Variants in HHIP observed in about 807,000 individuals in gnomAD.
The protein encoded by HHIP is hedgehog interacting protein.
In HHIP, 12 loss-of-function variants were observed where a neutral mutation model predicts 74.0. That is an observed-to-expected ratio of 0.16 (90% confidence interval 0.10 to 0.26). The LOEUF (loss-of-function observed/expected upper bound fraction) is 0.26, where lower values mean the gene tolerates loss of function less well. HHIP is among the 10% of genes least tolerant of loss of function. HHIP has a pLI of 1.00. For missense variants in HHIP, 788 were observed against 845.0 expected, an observed-to-expected ratio of 0.93 and a Z score of 0.84; for synonymous variants, 309 against 311.6, an observed-to-expected ratio of 0.99 and a Z score of 0.09.
intron 4 of HHIP, among the ~76,000 whole-genome samples, chr4:144,695,091 T>C (rs956922716): frequency 3.3e-5 from 5 of 151,842 alleles, no homozygotes; most frequent in Admixed American, 2.6e-4. Context: ...TTCTAAATTG[T>C]CTTCCTTATT....
chr4:144,738,481 A>G lies in HHIP; in HGVS notation c.*524A>G, dbSNP rs924464603. On this transcript the variant is annotated 3_prime_UTR_variant, in exon 13 of 13. Transcript: ENST00000296575. ...AACTTGATATAAAATTGTAATCTTC[A>G]TTTTTGTCAGTGTATCCAGTTACAG... 6 of 982,812 alleles carry G rather than the reference A, an allele frequency of 6.1e-6. No homozygotes were observed. Among genetic ancestry groups the G allele is most frequent in the Non-Finnish European group, 7.3e-6 (6 of 827,252 alleles). 60.9% of individuals were successfully genotyped at this position (982,812 alleles called of 1,614,324 possible).
chr4:144,667,715 T>C (rs2126601245), intron 4 of HHIP, among the ~76,000 whole-genome samples: 1 of 152,332 alleles, frequency 6.6e-6, no homozygotes, highest in East Asian at 1.9e-4. Context: ...AGCATTTCCT[T>C]GCTTTCATAG....
intron 4 of HHIP, among the ~76,000 whole-genome samples, chr4:144,696,272 CCT>C (rs1174601386): frequency 6.7e-6 from 1 of 149,270 alleles, no homozygotes; most frequent in Admixed American, 6.6e-5. Flanking sequence ...CAAATCTGCA[CCT>C]CTTTTTTTTT....
chr4:144,646,542 C>T lies in HHIP; in HGVS notation c.-134C>T, dbSNP rs528949574. ...GCATCGCTGTACATATTTTTGTCCC[C>T]GCCACCTCCCTCTGTCTCTGGAGTG... On this transcript the variant is annotated 5_prime_UTR_variant, in exon 1 of 13. Transcript: ENST00000296575. The T allele has an allele frequency of 4.6e-6, 4 of 869,572 alleles. No individual in the cohort carries two copies. The highest frequency in any genetic ancestry group is 1.7e-5 in the South Asian group (1 of 57,320). 53.9% of individuals were successfully genotyped at this position (869,572 alleles called of 1,614,324 possible). A position where few individuals can be genotyped will look rare whatever the true frequency, so the allele number is the denominator to read the frequency against.
chr4:144,662,328 T>A (rs573823351), intron 4 of HHIP, among the ~76,000 whole-genome samples: 66 of 152,290 alleles, frequency 4.3e-4, no homozygotes, highest in African/African-American at 1.5e-3. Flanking sequence ...CTTGGACAAC[T>A]CTTCCTAAAT....
In HHIP at chr4:144,646,728, T is replaced by C; in HGVS notation, c.53T>C (p.Phe18Ser). 6.2e-7 allele frequency: 1 copy of C among 1,614,178 alleles called. No individual in the cohort carries two copies. The highest frequency in any genetic ancestry group is 1.7e-5 in the Admixed American group (1 of 60,022). ...CTGCTGCTGGCCGTGGCTCTGGGCTTCTTTGAAGGAGATGCTAAGTTTGGG... is the reference window on the plus strand; with the variant it reads ...CTGCTGCTGGCCGTGGCTCTGGGCTCCTTTGAAGGAGATGCTAAGTTTGGG... ...KLLLLAVALG[F>S]FEGDAKFGER... Residue 18 changes from phenylalanine (F) to serine (S), a missense_variant, in exon 1 of 13, where the codon TTC becomes TCC. Phe to Ser is a radical substitution (Grantham distance 155). This residue lies in a region of HHIP where 373 missense variants were observed against 366.4 expected (regional missense o/e 1.02). Transcript: ENST00000296575.
In HHIP at chr4:144,715,312, T is replaced by C. The variant is rs1171176601; in HGVS notation, c.1560T>C (p.Thr520=). 1 of 1,613,224 alleles carries C rather than the reference T, an allele frequency of 6.2e-7. No individual in the cohort carries two copies. Reference sequence around the variant, plus strand: ...GTTTCTGTTGTAGGAATTTCCTAACTCTCCAGCAAAGTCCTGTGACAAAGC... The same window carrying C: ...GTTTCTGTTGTAGGAATTTCCTAACCCTCCAGCAAAGTCCTGTGACAAAGC... ...VFGDRNGNFL[T]LQQSPVTKQW... Residue 520 remains threonine, a synonymous_variant, in exon 10 of 13, where the codon ACT becomes ACC. Coordinates refer to ENST00000296575, the MANE Select transcript of HHIP (RefSeq NM_022475.3).
intron 4 of HHIP, among the ~76,000 whole-genome samples, chr4:144,700,584 A>G (rs1255738548): frequency 1.3e-5 from 2 of 152,330 alleles, no homozygotes; most frequent in East Asian, 3.9e-4. Context: ...AGGAAGACAA[A>G]GGAGGTCAGA....
chr4:144,707,602 T>C (rs192829523), intron 6 of HHIP, among the ~76,000 whole-genome samples: 6 of 141,652 alleles, frequency 4.2e-5, no homozygotes, highest in East Asian at 4.1e-4. Flanking sequence ...CTGGGAGATA[T>C]AGAATACATA....
intron 4 of HHIP, among the ~76,000 whole-genome samples, chr4:144,665,517 T>C (rs1728837221): frequency 6.6e-6 from 1 of 152,200 alleles, no homozygotes; most frequent in Admixed American, 6.5e-5. Context: ...TTCATGTAAG[T>C]TTAATCTCAT....
intron 4 of HHIP, among the ~76,000 whole-genome samples, chr4:144,670,661 G>A (rs1729012128): frequency 7.9e-6 from 1 of 126,192 alleles, no homozygotes; most frequent in African/African-American, 3.0e-5. Flanking sequence ...TGTTTCATAA[G>A]AAACCTTAGT....
intron 4 of HHIP, among the ~76,000 whole-genome samples, chr4:144,671,567 G>C (rs1430773480): frequency 6.6e-6 from 1 of 152,174 alleles, no homozygotes; most frequent in Non-Finnish European, 1.5e-5. Flanking sequence ...AGTTGGATGT[G>C]TGAGAACTAA....
chr4:144,677,856 A>G (rs1049325908), intron 4 of HHIP, among the ~76,000 whole-genome samples: 11 of 152,096 alleles, frequency 7.2e-5, no homozygotes, highest in Non-Finnish European at 2.9e-5. Context: ...CTTAATGTTC[A>G]TATAATATTT....
In HHIP at chr4:144,734,736, T is replaced by C; in HGVS notation, c.1761-5T>C. On this transcript the variant is annotated splice_region_variant and splice_polypyrimidine_tract_variant and intron_variant, in intron 11 of 12. Transcript: ENST00000296575. ...TACACTTTCAACTATTGTGTTTTAATGTAGACCTTTAATGCCTGAGGAATG... is the reference window on the plus strand; with the variant it reads ...TACACTTTCAACTATTGTGTTTTAACGTAGACCTTTAATGCCTGAGGAATG... 2.6e-6 allele frequency: 4 copies of C among 1,560,150 alleles called. No individual in the cohort carries two copies. Among genetic ancestry groups the C allele is most frequent in the East Asian group, 2.3e-5 (1 of 43,866 alleles).
chr4:144,648,603 G>A (rs1003836965), intron 1 of HHIP: 1 of 152,148 alleles, frequency 6.6e-6, no homozygotes, highest in Non-Finnish European at 1.5e-5. Context: ...GAGCCCTAAA[G>A]AACCAGGAAA....
chr4:144,671,872 T>C (rs1245877129), intron 4 of HHIP, among the ~76,000 whole-genome samples: 1 of 152,032 alleles, frequency 6.6e-6, no homozygotes, highest in Non-Finnish European at 1.5e-5. Flanking sequence ...TAATCTCAGC[T>C]ACTTGGGAAG....
At chr4:144,700,631 T>C (rs571849829) in intron 4 of HHIP, among the ~76,000 whole-genome samples, 2 of 152,170 alleles carry the variant, frequency 1.3e-5, no homozygotes, top group Non-Finnish European at 2.9e-5. Flanking sequence ...CCACCATTGC[T>C]GGCTTTGAAG....
intron 7 of HHIP, 32 bp from the exon 8 acceptor site, chr4:144,711,918 G>A: frequency 6.3e-7 from 1 of 1,598,264 alleles, no homozygotes; most frequent in Non-Finnish European, 8.5e-7. Context: ...GATCACGGTA[G>A]GAATTAATGT....
In HHIP at chr4:144,739,320, T is replaced by G. The variant is rs574995151; in HGVS notation, c.*1363T>G. On this transcript the variant is annotated 3_prime_UTR_variant, in exon 13 of 13. Transcript: ENST00000296575. ...AACAAAATATAAGGCCTCTTTGCACTAGTGAAAAAACACGTCTACTCATGA... is the reference window on the plus strand; with the variant it reads ...AACAAAATATAAGGCCTCTTTGCACGAGTGAAAAAACACGTCTACTCATGA... 1.8e-4 allele frequency: 28 copies of G among 152,314 alleles called. No homozygotes were observed. The highest frequency in any genetic ancestry group is 6.5e-4 in the African/African-American group (27 of 41,578). 9.4% of individuals were successfully genotyped at this position (152,314 alleles called of 1,614,324 possible). A position where few individuals can be genotyped will look rare whatever the true frequency, so the allele number is the denominator to read the frequency against.
Sources: gnomAD v4.1 joint callset for allele counts (sites outside exome capture counted in the v4.1 genomes callset) on GRCh38, gnomAD v4.1.1 for gene constraint, gnomAD v4.1.1 regional missense constraint, MANE v1.5 for transcripts, NCBI Gene and HGNC (gene_info 2026-07-23, HGNC 2026-07-21) for gene names.